Variants in PRKAB2 observed in about 807,000 individuals in gnomAD.
PRKAB2 encodes the protein protein kinase AMP-activated non-catalytic subunit beta 2, also known as 5'-AMP-activated protein kinase subunit beta-2.
PRKAB2 carries 18 observed loss-of-function variants against 29.8 expected under a neutral mutation model. The ratio of observed to expected loss-of-function variants is 0.60; its 90% CI spans 0.42 to 0.89. PRKAB2 has a LOEUF of 0.89. Among genes scored for constraint, PRKAB2 ranks in the 40% least tolerant of loss-of-function variants. The pLI is 0.00. For synonymous variants in PRKAB2, 136 were observed against 125.9 expected (o/e 1.08, Z -0.54); for missense variants, 270 against 344.3 (o/e 0.78, Z 1.71).
At position 147,162,518 on chromosome 1, in the gene PRKAB2, A is replaced by G. The variant is rs781978558; in HGVS notation, c.594T>C (p.Ser198=). The G allele has an allele frequency of 6.2e-7, 1 of 1,612,026 alleles. No individual in the cohort carries two copies. Among genetic ancestry groups the G allele is most frequent in the Admixed American group, 1.7e-5 (1 of 59,994 alleles). ...PYGQEMYAFR[S]EERFKSPPIL... The stretch of plus-strand genomic sequence containing the variant: ...TGGGTGGGGATTTGAATCTTTCCTC[A>G]GATCGAAACGCATACATTTCTTGAC... The change falls in exon 6 of 8, where the codon TCT becomes TCC. Residue 198 remains serine (S), a synonymous_variant. Transcript: ENST00000254101.
chr1:147,164,780 T>C (rs920529011), intron 5 of PRKAB2, among the ~76,000 whole-genome samples: 5 of 152,174 alleles, frequency 3.3e-5, no homozygotes, highest in Admixed American at 6.5e-5. Context: ...CCTCAATAGA[T>C]TGGGAAATTA....
rs781859737 is a variant in PRKAB2, at chr1:147,159,638, CTG to C, written c.744_745del (p.Asp248GlufsTer6). The C allele has an allele frequency of 6.2e-7, 1 of 1,613,342 alleles. No individual in the cohort carries two copies. Among genetic ancestry groups the C allele is most frequent in the South Asian group, 1.1e-5 (1 of 91,012 alleles). On this transcript the variant is annotated frameshift_variant and splice_region_variant, in exon 8 of 8. Coordinates refer to ENST00000254101, the MANE Select transcript of PRKAB2 (RefSeq NM_005399.5). LOFTEE classifies it high-confidence loss of function. ...ATGGGTTGCGCTAAGGACCATCACA[CTG>C]TCCTGCAAGGAAAAGAAACATACGC...
rs1464955231 is a variant in PRKAB2, at chr1:147,156,996, C to G, written c.*2569G>C. 1 of 152,070 alleles carries G rather than the reference C, an allele frequency of 6.6e-6. No homozygotes were observed. Among genetic ancestry groups the G allele is most frequent in the African/African-American group, 2.4e-5 (1 of 41,400 alleles). 9.4% of individuals were successfully genotyped at this position (152,070 alleles called of 1,614,324 possible). A position where few individuals can be genotyped will look rare whatever the true frequency, so the allele number is the denominator to read the frequency against. The stretch of plus-strand genomic sequence containing the variant: ...AACTATGTTGAAGTTCTTTAAAGGT[C>G]GGCCCTCCTGAAGAACTATTTTCTT... On this transcript the variant is annotated 3_prime_UTR_variant, in exon 8 of 8. Transcript: ENST00000254101.
intron 5 of PRKAB2, among the ~76,000 whole-genome samples, chr1:147,165,672 T>C (rs587599739): frequency 1.3e-5 from 2 of 152,100 alleles, no homozygotes; most frequent in Non-Finnish European, 1.5e-5. Flanking sequence ...ATGAAGGCCT[T>C]GGCTCAAATA....
At chr1:147,171,928 G>C in intron 2 of PRKAB2, 61 bp downstream of exon 2, 2 of 1,555,322 alleles carry the variant, frequency 1.3e-6, no homozygotes, top group South Asian at 2.4e-5. Context: ...AGAAAGGGAA[G>C]AGGAGCCCAG....
At chr1:147,166,398 GCTCT>G (rs1654252627) in intron 5 of PRKAB2, 96 bp downstream of exon 5, 10 of 1,287,034 alleles carry the variant, frequency 7.8e-6, no homozygotes, top group African/African-American at 4.5e-5. Context: ...CCAACCCCCT[GCTCT>G]CTCTCTCCCT....
chr1:147,170,860 G>A (rs587676411), intron 2 of PRKAB2, among the ~76,000 whole-genome samples: 1 of 152,350 alleles, frequency 6.6e-6, no homozygotes, highest in Non-Finnish European at 1.5e-5. Context: ...GGGATTACAG[G>A]CGTGAGCCTC....
Position 147,166,548 on chromosome 1 carries a change from A to T in PRKAB2, c.488T>A (p.Phe163Tyr). The T allele has an allele frequency of 6.2e-7, 1 of 1,614,044 alleles. No homozygotes were observed. Among genetic ancestry groups the T allele is most frequent in the South Asian group, 1.1e-5 (1 of 91,082 alleles). ...CATAGAATCTAACTTTAAAGCATCG[A>T]ACACCTCAAAATCAGATTTCTTGAC... Reference protein sequence around the residue: ...IHVKKSDFEVFDALKLDSMES... With the variant: ...IHVKKSDFEVYDALKLDSMES... The change falls in exon 5 of 8, where the codon TTC becomes TAC. Residue 163 changes from phenylalanine (F) to tyrosine (Y), a missense_variant. Around this residue, in one of 2 missense-constraint regions of PRKAB2, gnomAD observed 228 missense variants for 255.5 expected, o/e 0.89. Transcript: ENST00000254101.
chr1:147,170,080 G>A lies in PRKAB2; in HGVS notation c.156+1909C>T, dbSNP rs1654440871. ...CTAGCAGAAAGATTGTTTACTCCAAGTTACTCAGCAAAACTACCAGGAAAA... is the reference window on the plus strand; with the variant it reads ...CTAGCAGAAAGATTGTTTACTCCAAATTACTCAGCAAAACTACCAGGAAAA... On this transcript the variant is annotated intron_variant, in intron 2 of 7. Coordinates refer to ENST00000254101, the MANE Select transcript of PRKAB2 (RefSeq NM_005399.5). 3.9e-5 allele frequency among the ~76,000 whole-genome samples: 6 copies of A among 152,194 alleles called. No homozygotes were observed. In the South Asian group the frequency reaches 1.2e-3, roughly 32 times the overall value.
intron 2 of PRKAB2, among the ~76,000 whole-genome samples, chr1:147,171,655 G>C (rs975493310): frequency 1.3e-5 from 2 of 152,174 alleles, no homozygotes; most frequent in Non-Finnish European, 2.9e-5. Context: ...TTGTCCACCA[G>C]GGATTACAAA....
At position 147,166,922 on chromosome 1, in the gene PRKAB2, G is replaced by T; in HGVS notation, c.341C>A (p.Ala114Asp). Residue 114 changes from alanine (A) to aspartate (D), a missense_variant, in exon 4 of 8, where the codon GCC becomes GAC. Ala to Asp is a moderately radical substitution (Grantham distance 126). Around this residue, in one of 2 missense-constraint regions of PRKAB2, gnomAD observed 228 missense variants for 255.5 expected, o/e 0.89. Transcript: ENST00000254101. ...CTCTCCCTCAGGGAGGTCCAGGATGGCAACAAAGTCATTATGGCTACAGAA... is the reference window on the plus strand; with the variant it reads ...CTCTCCCTCAGGGAGGTCCAGGATGTCAACAAAGTCATTATGGCTACAGAA... ...PLIKSHNDFVAILDLPEGEHQ... is the reference protein window; with the variant it reads ...PLIKSHNDFVDILDLPEGEHQ... 1 of 1,613,736 alleles carries T rather than the reference G, an allele frequency of 6.2e-7. No individual in the cohort carries two copies. The highest frequency in any genetic ancestry group is 8.5e-7 in the Non-Finnish European group (1 of 1,179,720).
rs782021530 is a variant in PRKAB2 at position 147,159,555 on chromosome 1, AG to A, written c.*9del. The A allele has an allele frequency of 4.5e-5, 73 of 1,608,818 alleles. No individual in the cohort carries two copies. Among genetic ancestry groups the A allele is most frequent in the Non-Finnish European group, 6.1e-5 (72 of 1,175,642 alleles). On this transcript the variant is annotated 3_prime_UTR_variant, in exon 8 of 8. Coordinates refer to ENST00000254101, the MANE Select transcript of PRKAB2 (RefSeq NM_005399.5). Reference sequence around the variant, plus strand: ...TTCTCCTGAATCCTTAGAGGCAAGAAGGGATCCCTTCAAATGGGCTTGTATA... The same window carrying A: ...TTCTCCTGAATCCTTAGAGGCAAGAAGGATCCCTTCAAATGGGCTTGTATA...
At chr1:147,168,021 G>C in intron 2 of PRKAB2, 88 bp from the exon 3 acceptor site, 1 of 1,384,398 alleles carries the variant, frequency 7.2e-7, no homozygotes, top group South Asian at 1.5e-5. Flanking sequence ...AGAGAAGGGT[G>C]CTAGGCTTTG....
intron 5 of PRKAB2, 99 bp downstream of exon 5, chr1:147,166,399 C>T: frequency 7.7e-7 from 1 of 1,298,530 alleles, no homozygotes; most frequent in Non-Finnish European, 1.0e-6. Context: ...CAACCCCCTG[C>T]TCTCTCTCTC....
chr1:147,167,721 AG>A (rs782348785), intron 3 of PRKAB2, 45 bp downstream of exon 3: 19 of 1,571,024 alleles, frequency 1.2e-5, no homozygotes, highest in Non-Finnish European at 1.5e-5. Flanking sequence ...AAAAGAAATC[AG>A]GTCTCTATTC....
In PRKAB2 at chr1:147,159,530, T is replaced by G. The variant is rs782310271; in HGVS notation, c.*35A>C. ...CAGTCCAGAAATGCAAGGGAGATGC[T>G]TCTCCTGAATCCTTAGAGGCAAGAA... On this transcript the variant is annotated 3_prime_UTR_variant, in exon 8 of 8. Coordinates refer to ENST00000254101, the MANE Select transcript of PRKAB2 (RefSeq NM_005399.5). 1.9e-6 allele frequency: 3 copies of G among 1,575,778 alleles called. No individual in the cohort carries two copies. The highest frequency in any genetic ancestry group is 2.2e-5 in the South Asian group (2 of 89,804).
chr1:147,171,291 G>A (rs1412786866), intron 2 of PRKAB2, among the ~76,000 whole-genome samples: 6 of 152,164 alleles, frequency 3.9e-5, no homozygotes, highest in Admixed American at 2.6e-4. Flanking sequence ...TACTACTGAG[G>A]AGTAAACAAG....
chr1:147,159,493 G>GT lies in PRKAB2; in HGVS notation c.*71dup. The GT allele has an allele frequency of 7.3e-7, 1 of 1,360,806 alleles. No individual in the cohort carries two copies. The highest frequency in any genetic ancestry group is 1.2e-5 in the South Asian group (1 of 82,376). 84.3% of individuals were successfully genotyped at this position (1,360,806 alleles called of 1,614,324 possible). A position where few individuals can be genotyped will look rare whatever the true frequency, so the allele number is the denominator to read the frequency against. Reference sequence around the variant, plus strand: ...AAGCAAATCAGCCTTCCAGTCTCAGGTAAGACTGGTTCAGTCCAGAAATGC... The same window carrying GT: ...AAGCAAATCAGCCTTCCAGTCTCAGGTTAAGACTGGTTCAGTCCAGAAATGC... On this transcript the variant is annotated 3_prime_UTR_variant, in exon 8 of 8. Coordinates refer to ENST00000254101, the MANE Select transcript of PRKAB2 (RefSeq NM_005399.5).
chr1:147,165,174 T>C (rs587734351), intron 5 of PRKAB2, among the ~76,000 whole-genome samples: 59 of 152,244 alleles, frequency 3.9e-4, no homozygotes, highest in African/African-American at 1.1e-3. Context: ...TACAGGCGCC[T>C]GCCACCACAC....
Sources: allele counts gnomAD v4.1 joint callset (sites outside exome capture counted in the v4.1 genomes callset), GRCh38; gene constraint gnomAD v4.1.1; regional missense constraint gnomAD v4.1.1; transcripts MANE v1.5; gene names NCBI Gene and HGNC (gene_info 2026-07-23, HGNC 2026-07-21).